PIEZO2: variants seen among roughly 807,000 people sequenced by gnomAD.
PIEZO2 encodes piezo-type mechanosensitive ion channel component 2.
PIEZO2 carries 172 observed loss-of-function variants against 337.3 expected under a neutral mutation model. The ratio of observed to expected loss-of-function variants is 0.51; its 90% CI spans 0.45 to 0.58. The LOEUF is 0.58. Ranked by LOEUF, PIEZO2 falls within the 20% of genes least tolerant of loss-of-function variation. The probability of loss-of-function intolerance (pLI) is 0.00; values close to 1 mark genes in which losing one functional copy is unlikely to be tolerated. For missense variants in PIEZO2, 3,028 were observed against 3,391.3 expected, an observed-to-expected ratio of 0.89 and a Z score of 2.66; for synonymous variants, 1,251 against 1,228.5, an observed-to-expected ratio of 1.02 and a Z score of -0.38.
Position 11,128,954 on chromosome 18 carries a change from A to G in PIEZO2, c.64+19571T>C, listed in dbSNP as rs2040261851. 6.6e-6 allele frequency among the ~76,000 whole-genome samples: 1 copy of G among 152,236 alleles called. No homozygotes were observed. Among genetic ancestry groups the G allele is most frequent in the Non-Finnish European group, 1.5e-5 (1 of 68,038 alleles). On this transcript the variant is annotated intron_variant, in intron 1 of 55. Coordinates refer to ENST00000674853, the MANE Select transcript of PIEZO2 (RefSeq NM_001378183.1). The surrounding 1 kb of genome is among the most constrained non-coding windows in gnomAD (Gnocchi z 4.1). ...ATTTGGGTCCACTAAGTAAGGACTCAGTGTTTAATGTTGCAGATCAGGGAG... is the reference window on the plus strand; with the variant it reads ...ATTTGGGTCCACTAAGTAAGGACTCGGTGTTTAATGTTGCAGATCAGGGAG...
In PIEZO2 at chr18:10,871,279, T is replaced by C. The variant is rs765877353; in HGVS notation, c.466A>G (p.Asn156Asp). Reference sequence around the variant, plus strand: ...AATTCTTCATTTTCAAACTCCGGGTTACTCTGTGCTGCTTCGTCTGTCACA... The same window carrying C: ...AATTCTTCATTTTCAAACTCCGGGTCACTCTGTGCTGCTTCGTCTGTCACA... ...KPVTDEAAQS[N>D]PEFENEELAE... The change falls in exon 5 of 56, where the codon AAC (asparagine) becomes GAC (aspartate). Residue 156 changes from asparagine (N) to aspartate (D), a missense_variant. This residue lies in a region of PIEZO2 where 542 missense variants were observed against 605.6 expected (regional missense o/e 0.89). Transcript: ENST00000674853. 6.5e-7 allele frequency: 1 copy of C among 1,537,030 alleles called. No individual in the cohort carries two copies. Among genetic ancestry groups the C allele is most frequent in the Non-Finnish European group, 8.7e-7 (1 of 1,146,812 alleles).
In PIEZO2 at chr18:10,979,005, T is replaced by C. The variant is rs375196932; in HGVS notation, c.286+530A>G. 6.1e-4 allele frequency among the ~76,000 whole-genome samples: 93 copies of C among 152,262 alleles called. 1 individual carries two copies. The highest frequency in any genetic ancestry group is 2.2e-3 in the African/African-American group (90 of 41,554). The stretch of plus-strand genomic sequence containing the variant: ...AAAATATAAGGGGCTTAAGAGATAC[T>C]GTTTCCCTATAAATACTAATAAAAA... On this transcript the variant is annotated intron_variant, in intron 3 of 55. Transcript: ENST00000674853. The surrounding 1 kb of genome is among the most constrained non-coding windows in gnomAD (Gnocchi z 4.0).
Position 10,942,860 on chromosome 18 carries a change from G to A in PIEZO2, c.287-31632C>T, listed in dbSNP as rs529210095. ...TTAGTAGGCCAGGCTCAGGGTCCCC[G>A]TGCTGTGTGCAGCCTAGGGAATTGG... On this transcript the variant is annotated intron_variant, in intron 3 of 55. Transcript: ENST00000674853. This position sits in a 1 kb window ranked among gnomAD's most constrained non-coding sequence, Gnocchi z 4.4. Among the ~76,000 whole-genome samples, 4 of 152,232 alleles carry A rather than the reference G, an allele frequency of 2.6e-5. No individual in the cohort carries two copies. The East Asian group carries it at 5.8e-4, about 22-fold the overall frequency.
chr18:10,738,218 C>T (rs1023566254), intron 33 of PIEZO2: 5 of 152,062 alleles, frequency 3.3e-5, no homozygotes, highest in Non-Finnish European at 7.4e-5. Context: ...TCACATAAGC[C>T]GAGAGATTTG....
intron 23 of PIEZO2, 109 bp from the exon 24 acceptor site, chr18:10,761,220 C>T: frequency 1.0e-6 from 1 of 990,634 alleles, no homozygotes; most frequent in African/African-American, 1.6e-5. Context: ...TATAAAAGCT[C>T]ACCTCTCTTA....
intron 1 of PIEZO2, among the ~76,000 whole-genome samples, chr18:11,108,068 G>A (rs1303176476): frequency 6.6e-6 from 1 of 152,058 alleles, no homozygotes; most frequent in Admixed American, 6.5e-5. Flanking sequence ...CTCAATACAA[G>A]AGTTAGGGTG....
chr18:10,814,733 G>A (rs919243886), intron 7 of PIEZO2, among the ~76,000 whole-genome samples: 7 of 152,058 alleles, frequency 4.6e-5, no homozygotes, highest in Non-Finnish European at 2.9e-5. Flanking sequence ...GCTCCCTATG[G>A]GAATTCCCAG....
At chr18:10,843,764 G>C (rs1254636722) in intron 7 of PIEZO2, among the ~76,000 whole-genome samples, 2 of 152,190 alleles carry the variant, frequency 1.3e-5, no homozygotes, top group African/African-American at 2.4e-5. Context: ...GAATTCTCCA[G>C]CAGTGCTCCC....
chr18:10,856,935 TTC>T lies in PIEZO2; in HGVS notation c.703+64_703+65del. 1.5e-6 allele frequency: 2 copies of T among 1,363,318 alleles called. No homozygotes were observed. The highest frequency in any genetic ancestry group is 4.5e-4 in the Middle Eastern group (2 of 4,442). The allele number at this position is 1,363,318 out of a possible 1,614,324, so 84.5% of individuals were successfully genotyped here. ...TTTCCTTCATTTCTTCTTCAACCATTTCTCTCATTCACCAAAGCACTGCTTGT... is the reference window on the plus strand; with the variant it reads ...TTTCCTTCATTTCTTCTTCAACCATTTCTCATTCACCAAAGCACTGCTTGT... On this transcript the variant is annotated intron_variant, in intron 6 of 55. Coordinates refer to ENST00000674853, the MANE Select transcript of PIEZO2 (RefSeq NM_001378183.1). This position sits in a 1 kb window ranked among gnomAD's most constrained non-coding sequence, Gnocchi z 4.7.
At chr18:11,018,381 TCGTGTG>T (rs2036196364) in intron 2 of PIEZO2, among the ~76,000 whole-genome samples, 1 of 97,190 alleles carries the variant, frequency 1.0e-5, no homozygotes, top group East Asian at 3.3e-4. Context: ...TCCCAACATG[TCGTGTG>T]TGTGTGTGTG....
rs1050118551 is a variant in PIEZO2 at position 11,129,850 on chromosome 18, G to A, written c.64+18675C>T. On this transcript the variant is annotated intron_variant, in intron 1 of 55. Transcript: ENST00000674853. This position sits in a 1 kb window ranked among gnomAD's most constrained non-coding sequence, Gnocchi z 4.6. Reference sequence around the variant, plus strand: ...TTAAAGTAGGGGCTTATGGAGGTCAGGTAATTAATGGAGTTTTAGCTCAGG... The same window carrying A: ...TTAAAGTAGGGGCTTATGGAGGTCAAGTAATTAATGGAGTTTTAGCTCAGG... Among the ~76,000 whole-genome samples, 2 of 152,166 alleles carry A rather than the reference G, an allele frequency of 1.3e-5. No individual in the cohort carries two copies. Among genetic ancestry groups the A allele is most frequent in the African/African-American group, 4.8e-5 (2 of 41,446 alleles).
intron 4 of PIEZO2, among the ~76,000 whole-genome samples, chr18:10,871,880 G>A (rs920747708): frequency 6.6e-5 from 10 of 152,170 alleles, no homozygotes; most frequent in African/African-American, 2.2e-4. Flanking sequence ...ATACTTGGTT[G>A]ATTTTGTCTT....
At chr18:11,073,236 C>T (rs984163331) in intron 1 of PIEZO2, among the ~76,000 whole-genome samples, 1 of 152,176 alleles carries the variant, frequency 6.6e-6, no homozygotes, top group African/African-American at 2.4e-5. Flanking sequence ...CAGTGGTCCC[C>T]ATCTCCTTGT....
At chr18:10,685,661 C>T (rs2034516366) in intron 49 of PIEZO2, among the ~76,000 whole-genome samples, 1 of 152,178 alleles carries the variant, frequency 6.6e-6, no homozygotes, top group African/African-American at 2.4e-5. Flanking sequence ...GTCTTGCATC[C>T]GTGCAGATGG....
Position 10,682,842 on chromosome 18 carries a change from G to T in PIEZO2, c.7498-550C>A, listed in dbSNP as rs970622288. Among the ~76,000 whole-genome samples, 2 of 152,214 alleles carry T rather than the reference G, an allele frequency of 1.3e-5. No individual in the cohort carries two copies. The highest frequency in any genetic ancestry group is 1.3e-4 in the Admixed American group (2 of 15,282). The stretch of plus-strand genomic sequence containing the variant: ...ATTAGAAGAGCCCCCTCTGGGCACT[G>T]GCTGTAGGGAGTGGGGAGAGGGCAG... On this transcript the variant is annotated intron_variant, in intron 49 of 55. Transcript: ENST00000674853. The surrounding 1 kb of genome is among the most constrained non-coding windows in gnomAD (Gnocchi z 5.6).
Position 10,803,903 on chromosome 18 carries a change from G to A in PIEZO2, c.1172C>T (p.Ala391Val). Residue 391 changes from alanine (A) to valine (V), a missense_variant, in exon 9 of 56, where the codon GCA becomes GTA. By Grantham distance (64) the Ala-to-Val change is moderately conservative. Coordinates refer to ENST00000674853, the MANE Select transcript of PIEZO2 (RefSeq NM_001378183.1). ...TAGRRRSLWY[A>V]THYPTDERKL... ...TCTCTCATCAGTGGGGTAATGGGTTGCGTACCACAGGCTCCGCCTCCTCCC... is the reference window on the plus strand; with the variant it reads ...TCTCTCATCAGTGGGGTAATGGGTTACGTACCACAGGCTCCGCCTCCTCCC... 1 of 1,537,294 alleles carries A rather than the reference G, an allele frequency of 6.5e-7. No homozygotes were observed. Among genetic ancestry groups the A allele is most frequent in the African/African-American group, 1.4e-5 (1 of 73,172 alleles).
chr18:10,831,669 G>T (rs1468550404), intron 7 of PIEZO2, among the ~76,000 whole-genome samples: 3 of 152,126 alleles, frequency 2.0e-5, no homozygotes, highest in Non-Finnish European at 4.4e-5. Context: ...ATAACACAAA[G>T]AAATGATAAA....
chr18:11,148,682 C>G lies in PIEZO2; in HGVS notation c.-94G>C, dbSNP rs2146315318. The G allele has an allele frequency of 7.5e-7, 1 of 1,339,428 alleles. No individual in the cohort carries two copies. Among genetic ancestry groups the G allele is most frequent in the Admixed American group, 2.1e-5 (1 of 48,746 alleles). 83.0% of individuals were successfully genotyped at this position (1,339,428 alleles called of 1,614,324 possible). A position where few individuals can be genotyped will look rare whatever the true frequency, so the allele number is the denominator to read the frequency against. Reference sequence around the variant, plus strand: ...GCCCATGCCCGTCTATGGCCTCTCGCCGCCGGCAGCTCGCAGCCACCCGAG... The same window carrying G: ...GCCCATGCCCGTCTATGGCCTCTCGGCGCCGGCAGCTCGCAGCCACCCGAG... On this transcript the variant is annotated 5_prime_UTR_variant, in exon 1 of 56. Coordinates refer to ENST00000674853, the MANE Select transcript of PIEZO2 (RefSeq NM_001378183.1). This position sits in a 1 kb window ranked among gnomAD's most constrained non-coding sequence, Gnocchi z 5.2.
intron 3 of PIEZO2, among the ~76,000 whole-genome samples, chr18:10,924,969 C>G (rs1050616023): frequency 6.6e-6 from 1 of 152,154 alleles, no homozygotes; most frequent in Non-Finnish European, 1.5e-5. Context: ...ACTTATGAAG[C>G]ACATTTAGTT....
Sources: gnomAD v4.1 joint callset for allele counts (sites outside exome capture counted in the v4.1 genomes callset) on GRCh38, gnomAD v4.1.1 for gene constraint, gnomAD v4.1.1 regional missense constraint, Gnocchi (gnomAD v3.1) non-coding constraint, MANE v1.5 for transcripts, NCBI Gene and HGNC (gene_info 2026-07-23, HGNC 2026-07-21) for gene names.